ANKS1B: variants seen among roughly 807,000 people sequenced by gnomAD.
ANKS1B encodes ankyrin repeat and sterile alpha motif domain containing 1B, also known as ankyrin repeat and sterile alpha motif domain-containing protein 1B.
A neutral mutation model predicts 148.3 loss-of-function variants in ANKS1B; 36 were observed. That is an observed-to-expected ratio of 0.24 (90% CI 0.19 to 0.32). The LOEUF (loss-of-function observed/expected upper bound fraction) is 0.32. Ranked by LOEUF, ANKS1B falls within the 10% of genes least tolerant of loss-of-function variation. The pLI is 1.00. For missense variants in ANKS1B, 1,157 were observed against 1,542.6 expected, an observed-to-expected ratio of 0.75 and a Z score of 4.19; for synonymous variants, 542 against 560.8, an observed-to-expected ratio of 0.97 and a Z score of 0.47.
intron 12 of ANKS1B, among the ~76,000 whole-genome samples, chr12:99,276,331 T>A (rs2077664631): frequency 6.6e-6 from 1 of 152,144 alleles, no homozygotes; most frequent in Non-Finnish European, 1.5e-5. Context: ...TGTATTTGGA[T>A]ATAGGCCCTT....
intron 8 of ANKS1B, among the ~76,000 whole-genome samples, chr12:99,770,747 T>C (rs1236517985): frequency 6.6e-6 from 1 of 152,090 alleles, no homozygotes; most frequent in African/African-American, 2.4e-5. Context: ...ACTACACTTC[T>C]ACTCTCTCAT....
chr12:99,246,547 T>C lies in ANKS1B; in HGVS notation c.2074A>G (p.Thr692Ala), dbSNP rs1168379106. 6.2e-7 allele frequency: 1 copy of C among 1,613,928 alleles called. No individual in the cohort carries two copies. Among genetic ancestry groups the C allele is most frequent in the Non-Finnish European group, 8.5e-7 (1 of 1,179,876 alleles). Residue 692 changes from threonine (T) to alanine (A), a missense_variant, in exon 13 of 27, where the codon ACC becomes GCC. Physicochemically the swap from Thr to Ala is moderately conservative, Grantham distance 58. This residue lies in a region of ANKS1B where 661 missense variants were observed against 642.1 expected (regional missense o/e 1.03). Coordinates refer to ENST00000683438, the MANE Select transcript of ANKS1B (RefSeq NM_001352186.2). Reference protein sequence around the residue: ...ENHTIVGTRSTRSGSRNGDQW... With the variant: ...ENHTIVGTRSARSGSRNGDQW... ...TCCCCATTCCGAGATCCACTCCTGG[T>C]TGATCTTGTGCCAACAATGGTATGG...
chr12:99,436,163 T>A (rs973654319), intron 11 of ANKS1B, among the ~76,000 whole-genome samples: 69 of 152,022 alleles, frequency 4.5e-4, no homozygotes, highest in African/African-American at 1.6e-3. Flanking sequence ...TCCTCCTTTT[T>A]CAAAACTATT....
chr12:99,845,835 G>T (rs113432373), intron 1 of ANKS1B, among the ~76,000 whole-genome samples: 1 of 152,202 alleles, frequency 6.6e-6, no homozygotes. Flanking sequence ...GAATTCAGAT[G>T]TGAAACTGTG....
intron 16 of ANKS1B, among the ~76,000 whole-genome samples, chr12:99,056,113 C>T (rs1291353108): frequency 1.3e-5 from 2 of 152,248 alleles, no homozygotes; most frequent in East Asian, 3.9e-4. Flanking sequence ...ATCATCCGCC[C>T]ACTCATTCAA....
chr12:99,863,772 T>A (rs1280004273), intron 1 of ANKS1B, among the ~76,000 whole-genome samples: 4 of 151,378 alleles, frequency 2.6e-5, no homozygotes, highest in African/African-American at 9.7e-5. Context: ...AAAATATTTG[T>A]CAAAAGTCGA....
At chr12:98,999,131 C>G (rs1184202127) in intron 17 of ANKS1B, among the ~76,000 whole-genome samples, 3 of 152,218 alleles carry the variant, frequency 2.0e-5, no homozygotes, top group African/African-American at 7.2e-5. Context: ...CAGAGTTAAA[C>G]ATTTGGCTGC....
Position 98,751,208 on chromosome 12 carries a change from A to G in ANKS1B, c.3747+147T>C. On this transcript the variant is annotated intron_variant, in intron 26 of 26. Transcript: ENST00000683438. This position sits in a 1 kb window ranked among gnomAD's most constrained non-coding sequence, Gnocchi z 4.3. ...TGGTGGGAACCAGGCAGAGGTGATGATGGACACATGCCAGGAGGAGGCCAA... is the reference window on the plus strand; with the variant it reads ...TGGTGGGAACCAGGCAGAGGTGATGGTGGACACATGCCAGGAGGAGGCCAA... The G allele has an allele frequency of 1.3e-6, 1 of 795,432 alleles. No individual in the cohort carries two copies. The highest frequency in any genetic ancestry group is 2.0e-6 in the Non-Finnish European group (1 of 506,024). The allele number at this position is 795,432 out of a possible 1,614,324, so 49.3% of individuals were successfully genotyped here.
intron 1 of ANKS1B, among the ~76,000 whole-genome samples, chr12:99,871,372 A>G (rs1032536032): frequency 5.9e-5 from 9 of 152,176 alleles, no homozygotes; most frequent in Admixed American, 5.2e-4. Flanking sequence ...CTTTTTGCTT[A>G]CGATTGCTTT....
At chr12:99,904,048 C>T (rs898223709) in intron 1 of ANKS1B, among the ~76,000 whole-genome samples, 2 of 152,188 alleles carry the variant, frequency 1.3e-5, no homozygotes, top group East Asian at 3.8e-4. Context: ...GGGCTCTACC[C>T]AGGCCCTTTG....
At chr12:98,980,396 C>T (rs887471024) in intron 17 of ANKS1B, among the ~76,000 whole-genome samples, 13 of 152,080 alleles carry the variant, frequency 8.5e-5, no homozygotes, top group Admixed American at 7.9e-4. Flanking sequence ...TTAGTAGAGA[C>T]GGGGTTTCAC....
intron 1 of ANKS1B, among the ~76,000 whole-genome samples, chr12:99,950,740 A>G (rs1275483385): frequency 2.0e-5 from 3 of 151,928 alleles, no homozygotes; most frequent in Non-Finnish European, 4.4e-5. Context: ...ACCCCCCCCA[A>G]TAACCCTCCA....
intron 17 of ANKS1B, among the ~76,000 whole-genome samples, chr12:99,033,587 C>T (rs111804942): frequency 6.6e-6 from 1 of 151,936 alleles, no homozygotes; most frequent in Non-Finnish European, 1.5e-5. Flanking sequence ...TCACTTGAAC[C>T]CAGGAGGCAG....
intron 8 of ANKS1B, among the ~76,000 whole-genome samples, chr12:99,733,014 G>T (rs2059310967): frequency 8.2e-6 from 1 of 122,172 alleles, no homozygotes; most frequent in Non-Finnish European, 1.7e-5. Context: ...ATTGTTCCTT[G>T]CTCATTAAAA....
chr12:99,242,465 C>A (rs920019919), intron 14 of ANKS1B, among the ~76,000 whole-genome samples: 2 of 152,164 alleles, frequency 1.3e-5, no homozygotes, highest in South Asian at 4.2e-4. Context: ...ATGGCCACAC[C>A]ACCCAAGGTA....
At chr12:99,065,104 A>G (rs1371843459) in intron 16 of ANKS1B, among the ~76,000 whole-genome samples, 2 of 152,172 alleles carry the variant, frequency 1.3e-5, no homozygotes, top group Non-Finnish European at 2.9e-5. Flanking sequence ...TCTACTAGTG[A>G]TGTGAACTAT....
At chr12:99,067,015 G>T (rs542414201) in intron 16 of ANKS1B, among the ~76,000 whole-genome samples, 1 of 152,218 alleles carries the variant, frequency 6.6e-6, no homozygotes. Context: ...TAATAGATGA[G>T]TATCAGAGAG....
chr12:99,791,114 C>G (rs77623153), intron 4 of ANKS1B, among the ~76,000 whole-genome samples: 1 of 151,810 alleles, frequency 6.6e-6, no homozygotes, highest in Non-Finnish European at 1.5e-5. Context: ...CAAAAAACCA[C>G]AAGAGTAGCT....
chr12:99,593,192 A>C (rs1013629526), intron 9 of ANKS1B, among the ~76,000 whole-genome samples: 4 of 152,008 alleles, frequency 2.6e-5, no homozygotes, highest in African/African-American at 9.7e-5. Context: ...TTTCAGGTTA[A>C]ATTTGGAGTG....
Sources: allele counts gnomAD v4.1 joint callset (sites outside exome capture counted in the v4.1 genomes callset), GRCh38; gene constraint gnomAD v4.1.1; regional missense constraint gnomAD v4.1.1; non-coding constraint Gnocchi (gnomAD v3.1); transcripts MANE v1.5; gene names NCBI Gene and HGNC (gene_info 2026-07-23, HGNC 2026-07-21).